The following GLCE variants were observed in gnomAD, a reference collection of about 807,000 sequenced individuals.
GLCE encodes glucuronic acid epimerase, also known as D-glucuronyl C5-epimerase.
In GLCE, 19 loss-of-function variants were observed where a neutral mutation model predicts 47.9. The ratio of observed to expected loss-of-function variants is 0.40; its 90% confidence interval spans 0.28 to 0.58. GLCE has a LOEUF of 0.58. GLCE is among the 20% of genes least tolerant of loss of function. GLCE has a pLI of 0.48. For missense variants in GLCE, 556 were observed against 743.3 expected, an observed-to-expected ratio of 0.75 and a Z score of 2.93; for synonymous variants, 245 against 263.4, an observed-to-expected ratio of 0.93 and a Z score of 0.68.
intron 1 of GLCE, among the ~76,000 whole-genome samples, chr15:69,170,945 GAGGTATTT>G (rs1359193877): frequency 6.6e-6 from 1 of 152,166 alleles, no homozygotes; most frequent in Non-Finnish European, 1.5e-5. Context: ...AAGCTATTTG[GAGGTATTT>G]AGGAAAACAT....
rs371269135 is a variant in GLCE at position 69,261,405 on chromosome 15, A to G, written c.829+76A>G. ...CCTGATAGTCCCTTAAAATTTTAATATGGTTTAAAAAAACACATAAGCAGA... is the reference window on the plus strand; with the variant it reads ...CCTGATAGTCCCTTAAAATTTTAATGTGGTTTAAAAAAACACATAAGCAGA... On this transcript the variant is annotated intron_variant, in intron 4 of 4. Coordinates refer to ENST00000261858, the MANE Select transcript of GLCE (RefSeq NM_015554.3). 64 of 1,413,748 alleles carry G rather than the reference A, an allele frequency of 4.5e-5. No individual in the cohort carries two copies. In the East Asian group the frequency reaches 1.3e-3, roughly 28 times the overall value. The allele number at this position is 1,413,748 out of a possible 1,614,324, so 87.6% of individuals were successfully genotyped here. A position where few individuals can be genotyped will look rare whatever the true frequency, so the allele number is the denominator to read the frequency against.
At chr15:69,164,767 A>G (rs1298547403) in intron 1 of GLCE, among the ~76,000 whole-genome samples, 1 of 152,138 alleles carries the variant, frequency 6.6e-6, no homozygotes, top group Non-Finnish European at 1.5e-5. Context: ...TCCAGAATAT[A>G]GATTCATGAA....
At chr15:69,197,196 A>T (rs1292768176) in intron 1 of GLCE, 1 of 423,102 alleles carries the variant, frequency 2.4e-6, no homozygotes, top group South Asian at 1.7e-5. Flanking sequence ...CAAAAGTTGA[A>T]TGAATTGGGC....
In GLCE at chr15:69,271,524, T is replaced by A. The variant is rs886225070; in HGVS notation, c.*2280T>A. 6 of 152,676 alleles carry A rather than the reference T, an allele frequency of 3.9e-5. No individual in the cohort carries two copies. Among genetic ancestry groups the A allele is most frequent in the Admixed American group, 1.3e-4 (2 of 15,284 alleles). 9.5% of individuals were successfully genotyped at this position (152,676 alleles called of 1,614,324 possible). A position where few individuals can be genotyped will look rare whatever the true frequency, so the allele number is the denominator to read the frequency against. On this transcript the variant is annotated 3_prime_UTR_variant, in exon 5 of 5. Coordinates refer to ENST00000261858, the MANE Select transcript of GLCE (RefSeq NM_015554.3). ...CATTGCATTTTTGCCTCTAAACAAC[T>A]ACAGAATTTTCTAGGGTTTTAAATT...
At chr15:69,231,483 C>T (rs1475341370) in intron 2 of GLCE, among the ~76,000 whole-genome samples, 1 of 151,834 alleles carries the variant, frequency 6.6e-6, no homozygotes, top group Non-Finnish European at 1.5e-5. Context: ...TGGGGTTTCA[C>T]CATGTTAGCC....
intron 2 of GLCE, among the ~76,000 whole-genome samples, chr15:69,232,317 T>C (rs999356486): frequency 6.6e-6 from 1 of 152,210 alleles, no homozygotes; most frequent in Non-Finnish European, 1.5e-5. Context: ...GACTAATTTA[T>C]GTTCTTAGTA....
intron 4 of GLCE, 67 bp from the exon 5 acceptor site, chr15:69,268,153 A>C: frequency 1.1e-6 from 1 of 950,934 alleles, no homozygotes; most frequent in South Asian, 1.8e-5. Flanking sequence ...GATGAATTGC[A>C]ATTCAATTTC....
chr15:69,196,145 A>G (rs1246711992), intron 1 of GLCE, among the ~76,000 whole-genome samples: 1 of 152,114 alleles, frequency 6.6e-6, no homozygotes, highest in East Asian at 1.9e-4. Context: ...TTCCTGTTCT[A>G]AGGTATAGCA....
chr15:69,233,239 TGAAAA>T (rs2052549510), intron 2 of GLCE, among the ~76,000 whole-genome samples: 2 of 152,204 alleles, frequency 1.3e-5, no homozygotes, highest in Non-Finnish European at 2.9e-5. Context: ...GTAAAGTATG[TGAAAA>T]ACATGTAAAA....
intron 2 of GLCE, among the ~76,000 whole-genome samples, chr15:69,233,811 T>C (rs1249250883): frequency 6.6e-6 from 1 of 152,194 alleles, no homozygotes; most frequent in Non-Finnish European, 1.5e-5. Flanking sequence ...CTAGAGTTTA[T>C]TATGATGTGT....
chr15:69,169,843 G>T (rs543025393), intron 1 of GLCE, among the ~76,000 whole-genome samples: 1 of 151,870 alleles, frequency 6.6e-6, no homozygotes, highest in Non-Finnish European at 1.5e-5. Flanking sequence ...GAATAGTGCC[G>T]CAATAAACAT....
chr15:69,203,110 T>C (rs1367900578), intron 1 of GLCE, among the ~76,000 whole-genome samples: 1 of 152,126 alleles, frequency 6.6e-6, no homozygotes, highest in South Asian at 2.1e-4. Context: ...GTAATGTTGA[T>C]TTCTGTGAAC....
chr15:69,217,861 A>G (rs1191882444), intron 2 of GLCE, among the ~76,000 whole-genome samples: 1 of 152,228 alleles, frequency 6.6e-6, no homozygotes, highest in Admixed American at 6.5e-5. Flanking sequence ...AATTTATTCA[A>G]AGGAACACAG....
At chr15:69,165,035 TTTCTTTCTTAGAAATG>T in intron 1 of GLCE, among the ~76,000 whole-genome samples, 2 of 152,294 alleles carry the variant, frequency 1.3e-5, no homozygotes, top group East Asian at 3.9e-4. Flanking sequence ...TTTCTTTCTC[TTTCTTTCTTAGAAATG>T]TTACTGAGAT....
At chr15:69,175,159 G>A (rs1425148844) in intron 1 of GLCE, among the ~76,000 whole-genome samples, 5 of 151,428 alleles carry the variant, frequency 3.3e-5, no homozygotes, top group African/African-American at 1.2e-4. Flanking sequence ...TTTTTCTTTA[G>A]CAATATGATC....
intron 2 of GLCE, among the ~76,000 whole-genome samples, chr15:69,220,746 C>T (rs536909031): frequency 6.6e-6 from 1 of 152,234 alleles, no homozygotes; most frequent in African/African-American, 2.4e-5. Flanking sequence ...TTTTACTCTG[C>T]TGATATTGTC....
intron 2 of GLCE, among the ~76,000 whole-genome samples, chr15:69,242,026 C>T (rs1246055166): frequency 6.6e-6 from 1 of 152,166 alleles, no homozygotes; most frequent in Non-Finnish European, 1.5e-5. Flanking sequence ...AAATAGCACT[C>T]ATTTTCCTGA....
chr15:69,247,197 T>C (rs1457272350), intron 2 of GLCE, among the ~76,000 whole-genome samples: 2 of 152,232 alleles, frequency 1.3e-5, no homozygotes, highest in Middle Eastern at 6.3e-3. Flanking sequence ...TTTGTCTACA[T>C]TGAAAATCTG....
At chr15:69,214,279 C>T (rs752060419) in intron 2 of GLCE, among the ~76,000 whole-genome samples, 9 of 152,042 alleles carry the variant, frequency 5.9e-5, no homozygotes, top group Non-Finnish European at 1.0e-4. Flanking sequence ...ACCCATATCT[C>T]ATCTTGAATT....
Sources: gnomAD v4.1 joint callset for allele counts (sites outside exome capture counted in the v4.1 genomes callset) on GRCh38, gnomAD v4.1.1 for gene constraint, MANE v1.5 for transcripts, NCBI Gene and HGNC (gene_info 2026-07-23, HGNC 2026-07-21) for gene names.